WWP2: variants seen among roughly 807,000 people sequenced by gnomAD.
The protein encoded by WWP2 is WW domain containing E3 ubiquitin protein ligase 2, also known as NEDD4-like E3 ubiquitin-protein ligase WWP2.
In WWP2, 57 loss-of-function variants were observed where a neutral mutation model predicts 121.0. That is an observed-to-expected ratio of 0.47 (90% confidence interval 0.38 to 0.59). The LOEUF is 0.59. WWP2 is among the 20% of genes least tolerant of loss of function. The pLI, the probability that WWP2 is intolerant of heterozygous loss-of-function variation, is 0.00. For missense variants in WWP2, 962 were observed against 1,158.9 expected (o/e 0.83, Z 2.47); for synonymous variants, 449 against 441.3 (o/e 1.02, Z -0.22).
In WWP2 at chr16:69,872,256, G is replaced by A. The variant is rs377006918; in HGVS notation, c.703+325G>A. Among the ~76,000 whole-genome samples the A allele has an allele frequency of 9.9e-5, 15 of 150,810 alleles. 2 individuals are homozygous for A. Among genetic ancestry groups the A allele is most frequent in the East Asian group, 3.9e-4 (2 of 5,132 alleles). On this transcript the variant is annotated intron_variant, in intron 7 of 23. Transcript: ENST00000359154. Reference sequence around the variant, plus strand: ...TTTTGAGACGGAGTCTCACCCTGTCGCCCAGGCTGGAGTGCAGTGGCGTGA... The same window carrying A: ...TTTTGAGACGGAGTCTCACCCTGTCACCCAGGCTGGAGTGCAGTGGCGTGA...
intron 4 of WWP2, among the ~76,000 whole-genome samples, chr16:69,815,790 A>C (rs1160707866): frequency 1.3e-5 from 2 of 151,248 alleles, no homozygotes; most frequent in African/African-American, 4.8e-5. Flanking sequence ...CCGTCTCGAA[A>C]AAAAAAAAAA....
At chr16:69,762,423 G>C (rs1345612533) in intron 1 of WWP2, 32 bp downstream of exon 1, 1 of 148,260 alleles carries the variant, frequency 6.7e-6, no homozygotes, top group Non-Finnish European at 1.5e-5. Flanking sequence ...GGCGCGGTGG[G>C]CTGGCTGCCT....
chr16:69,814,451 TATAA>T (rs958844220), intron 4 of WWP2, among the ~76,000 whole-genome samples: 3 of 40,278 alleles, frequency 7.4e-5, no homozygotes, highest in African/African-American at 1.5e-4. Context: ...CAACACTATT[TATAA>T]ATATTTACAA....
chr16:69,804,211 C>T (rs933746666), intron 4 of WWP2, among the ~76,000 whole-genome samples: 1 of 151,976 alleles, frequency 6.6e-6, no homozygotes, highest in African/African-American at 2.4e-5. Flanking sequence ...TTTATGTTTT[C>T]AGCATTTTCT....
intron 4 of WWP2, among the ~76,000 whole-genome samples, chr16:69,807,314 C>T (rs916266649): frequency 3.3e-5 from 5 of 152,084 alleles, no homozygotes; most frequent in Admixed American, 3.3e-4. Flanking sequence ...GGATTACAGG[C>T]GTGAGCCACC....
intron 4 of WWP2, among the ~76,000 whole-genome samples, chr16:69,812,014 T>G (rs921273363): frequency 2.0e-5 from 3 of 152,180 alleles, no homozygotes; most frequent in Admixed American, 2.0e-4. Flanking sequence ...TTAATCTAAT[T>G]CAGATTTCCC....
rs773413103 is a variant in WWP2 at position 69,917,764 on chromosome 16, C to A, written c.1060C>A (p.Arg354=). Residue 354 remains arginine, a synonymous_variant, in exon 10 of 24, where the codon CGG becomes AGG. Coordinates refer to ENST00000359154, the MANE Select transcript of WWP2 (RefSeq NM_001270454.2). The part of the protein sequence containing the change: ...GRFYYVDHNT[R]TTTWQRPTAE... Reference sequence around the variant, plus strand: ...GTTTTACTATGTGGATCACAATACTCGGACCACCACCTGGCAGCGTCCGAC... The same window carrying A: ...GTTTTACTATGTGGATCACAATACTAGGACCACCACCTGGCAGCGTCCGAC... The A allele has an allele frequency of 4.3e-6, 7 of 1,613,692 alleles. No individual in the cohort carries two copies. The highest frequency in any genetic ancestry group is 4.0e-5 in the African/African-American group (3 of 74,944).
At chr16:69,842,473 G>A (rs569025828) in intron 6 of WWP2, among the ~76,000 whole-genome samples, 2 of 152,098 alleles carry the variant, frequency 1.3e-5, no homozygotes, top group South Asian at 2.1e-4. Context: ...TTCAATTCTT[G>A]CTCCTCTCCC....
intron 6 of WWP2, among the ~76,000 whole-genome samples, chr16:69,870,147 GATA>G (rs1171454402): frequency 6.6e-6 from 1 of 152,084 alleles, no homozygotes; most frequent in Non-Finnish European, 1.5e-5. Context: ...GTAAAGCGGG[GATA>G]ATAATATTAA....
chr16:69,908,970 C>T (rs1049971485), intron 9 of WWP2, 120 bp downstream of exon 9: 1 of 1,508,458 alleles, frequency 6.6e-7, no homozygotes, highest in African/African-American at 1.4e-5. Flanking sequence ...TATTCCGGGT[C>T]ACTTGATTGC....
intron 4 of WWP2, chr16:69,838,747 AACGT>A: frequency 1.0e-6 from 1 of 985,398 alleles, no homozygotes; most frequent in Non-Finnish European, 1.2e-6. Flanking sequence ...ATTTTATAGA[AACGT>A]TTAGTACTCA....
intron 2 of WWP2, among the ~76,000 whole-genome samples, chr16:69,791,269 C>T (rs973165141): frequency 1.6e-4 from 25 of 151,594 alleles, no homozygotes; most frequent in East Asian, 1.9e-4. Context: ...GCTCTATCGC[C>T]GAGGCTGGAG....
chr16:69,769,395 G>T (rs1396601634), intron 1 of WWP2, among the ~76,000 whole-genome samples: 1 of 151,540 alleles, frequency 6.6e-6, no homozygotes, highest in Non-Finnish European at 1.5e-5. Flanking sequence ...TGTTTCTACA[G>T]CTGGTTAATT....
chr16:69,923,898 C>G (rs1003595927), intron 10 of WWP2, among the ~76,000 whole-genome samples: 3 of 152,132 alleles, frequency 2.0e-5, no homozygotes, highest in Non-Finnish European at 4.4e-5. Context: ...TGTACCCTAT[C>G]TCCCCCAACC....
chr16:69,861,709 G>A (rs1283533686), intron 6 of WWP2, among the ~76,000 whole-genome samples: 1 of 151,460 alleles, frequency 6.6e-6, no homozygotes, highest in Non-Finnish European at 1.5e-5. Flanking sequence ...GTGCAGGTGG[G>A]AGTAGGTTTA....
chr16:69,826,219 A>G (rs2056685059), intron 4 of WWP2, among the ~76,000 whole-genome samples: 1 of 147,308 alleles, frequency 6.8e-6, no homozygotes, highest in Non-Finnish European at 1.5e-5. Flanking sequence ...GTGAACTGAG[A>G]TCACACCACT....
intron 8 of WWP2, among the ~76,000 whole-genome samples, chr16:69,905,715 GCTC>G (rs2058279106): frequency 6.6e-6 from 1 of 152,234 alleles, no homozygotes; most frequent in Admixed American, 6.5e-5. Flanking sequence ...AGGGAAGGCT[GCTC>G]ACTTTGAGAT....
At chr16:69,918,273 C>CT (rs2058505384) in intron 10 of WWP2, among the ~76,000 whole-genome samples, 1 of 151,862 alleles carries the variant, frequency 6.6e-6, no homozygotes, top group African/African-American at 2.4e-5. Flanking sequence ...GACCCTGTCT[C>CT]TAAAAAAAAA....
chr16:69,813,199 G>C (rs570902589), intron 4 of WWP2, among the ~76,000 whole-genome samples: 66 of 131,322 alleles, frequency 5.0e-4, no homozygotes, highest in African/African-American at 1.8e-3. Flanking sequence ...TTTTGCTCTT[G>C]TTGCCTAGGC....
Sources: allele counts gnomAD v4.1 joint callset (sites outside exome capture counted in the v4.1 genomes callset), GRCh38; gene constraint gnomAD v4.1.1; transcripts MANE v1.5; gene names NCBI Gene and HGNC (gene_info 2026-07-23, HGNC 2026-07-21).